PLCB1: variants seen among roughly 807,000 people sequenced by gnomAD.
PLCB1 encodes the protein phospholipase C beta 1.
PLCB1 carries 46 observed loss-of-function variants against 161.8 expected under a neutral mutation model. The ratio of observed to expected loss-of-function variants is 0.28; its 90% CI spans 0.22 to 0.36. The LOEUF is 0.36. Ranked by LOEUF, PLCB1 falls within the 10% of genes least tolerant of loss-of-function variation. PLCB1 has a pLI of 1.00. For missense variants in PLCB1, 1,016 were observed against 1,472.5 expected, an observed-to-expected ratio of 0.69 and a Z score of 5.07; for synonymous variants, 517 against 503.7, an observed-to-expected ratio of 1.03 and a Z score of -0.35.
At chr20:8,545,823 T>G (rs904764425) in intron 3 of PLCB1, among the ~76,000 whole-genome samples, 2 of 152,264 alleles carry the variant, frequency 1.3e-5, no homozygotes, top group Middle Eastern at 3.4e-3. Context: ...ACGGCACACA[T>G]TTACCATATG....
intron 3 of PLCB1, among the ~76,000 whole-genome samples, chr20:8,586,366 T>TG (rs555878562): frequency 4.0e-5 from 6 of 151,868 alleles, no homozygotes; most frequent in Admixed American, 6.6e-5. Flanking sequence ...GTTTTTTTTT[T>TG]TGCCTAAAAA....
rs550957616 is a variant in PLCB1, at chr20:8,494,979, C to T, written c.246+123529C>T. Among the ~76,000 whole-genome samples the T allele has an allele frequency of 5.9e-4, 90 of 152,146 alleles. 3 individuals carry two copies. In the South Asian group the frequency reaches 0.017, roughly 30 times the overall value. Reference sequence around the variant, plus strand: ...TGAATATATGTTCTTTTCCCCTTTTCCCCTTTTCTTTCTTCTTTGCTGTCC... The same window carrying T: ...TGAATATATGTTCTTTTCCCCTTTTTCCCTTTTCTTTCTTCTTTGCTGTCC... On this transcript the variant is annotated intron_variant, in intron 3 of 31. Transcript: ENST00000338037.
chr20:8,758,038 T>C (rs1034904933), intron 24 of PLCB1, among the ~76,000 whole-genome samples: 1 of 151,722 alleles, frequency 6.6e-6, no homozygotes, highest in East Asian at 1.9e-4. Context: ...GCCTCCTCTG[T>C]ACATCACACA....
At chr20:8,279,829 C>T (rs1000180998) in intron 2 of PLCB1, among the ~76,000 whole-genome samples, 6 of 152,012 alleles carry the variant, frequency 3.9e-5, no homozygotes, top group Non-Finnish European at 8.8e-5. Flanking sequence ...TATGATGTAT[C>T]GGGATGCAAC....
chr20:8,269,238 C>A (rs899556119), intron 2 of PLCB1, among the ~76,000 whole-genome samples: 1 of 152,068 alleles, frequency 6.6e-6, no homozygotes. Flanking sequence ...TACCCCATCC[C>A]CCCAACCCCT....
At chr20:8,563,032 A>G (rs1986192685) in intron 3 of PLCB1, among the ~76,000 whole-genome samples, 1 of 152,036 alleles carries the variant, frequency 6.6e-6, no homozygotes, top group Admixed American at 6.6e-5. Context: ...TATAGTGTGT[A>G]AACCTATGAG....
chr20:8,377,887 A>C (rs774961923), intron 3 of PLCB1, among the ~76,000 whole-genome samples: 29 of 152,138 alleles, frequency 1.9e-4, no homozygotes, highest in Non-Finnish European at 4.0e-4. Context: ...TTCAGGGAAG[A>C]TGTTGGCCCT....
At chr20:8,834,810 GAAAAA>G (rs10568816) in intron 31 of PLCB1, among the ~76,000 whole-genome samples, 2,335 of 85,300 alleles carry the variant, frequency 0.027, 40 homozygotes, top group African/African-American at 0.1. Context: ...CTCTGCCTCA[GAAAAA>G]AAAAAAAAAA....
chr20:8,389,923 C>A (rs1428381824), intron 3 of PLCB1, among the ~76,000 whole-genome samples: 1 of 152,068 alleles, frequency 6.6e-6, no homozygotes, highest in Non-Finnish European at 1.5e-5. Context: ...CAAAACCATT[C>A]GTCTAAGTAA....
At chr20:8,788,332 T>G (rs950756581) in intron 27 of PLCB1, 117 bp from the exon 28 acceptor site, 47 of 890,652 alleles carry the variant, frequency 5.3e-5, no homozygotes, top group Admixed American at 1.3e-4. Context: ...CAACTTTAAC[T>G]ATTGTGAAAC....
intron 31 of PLCB1, among the ~76,000 whole-genome samples, chr20:8,880,485 G>GT (rs1330618487): frequency 1.3e-5 from 2 of 152,154 alleles, no homozygotes; most frequent in African/African-American, 4.8e-5. Flanking sequence ...AGCTAAAATA[G>GT]TTTACAAGGC....
chr20:8,827,590 A>C (rs1036834530), intron 31 of PLCB1, among the ~76,000 whole-genome samples: 1 of 152,248 alleles, frequency 6.6e-6, no homozygotes, highest in Non-Finnish European at 1.5e-5. Context: ...AGCACATTTC[A>C]TGTGCTCAGT....
chr20:8,778,396 G>A (rs571210576), intron 27 of PLCB1, among the ~76,000 whole-genome samples: 2 of 152,288 alleles, frequency 1.3e-5, no homozygotes, highest in East Asian at 3.9e-4. Context: ...TGATGAGGGT[G>A]TGGAAAGCAG....
At chr20:8,285,559 A>T (rs1001560112) in intron 2 of PLCB1, among the ~76,000 whole-genome samples, 3 of 152,108 alleles carry the variant, frequency 2.0e-5, no homozygotes, top group African/African-American at 7.2e-5. Context: ...TGATCCAGAC[A>T]CTTGAAGGAC....
intron 3 of PLCB1, among the ~76,000 whole-genome samples, chr20:8,496,089 A>T (rs6077370): frequency 6.6e-6 from 1 of 151,988 alleles, no homozygotes; most frequent in Non-Finnish European, 1.5e-5. Flanking sequence ...CATTCCCAGC[A>T]TATAATATGT....
intron 31 of PLCB1, among the ~76,000 whole-genome samples, chr20:8,842,647 G>T (rs898390901): frequency 6.6e-6 from 1 of 152,114 alleles, no homozygotes; most frequent in Non-Finnish European, 1.5e-5. Flanking sequence ...AGCAATTCCT[G>T]TCCCTTTTAA....
At position 8,877,003 on chromosome 20, in the gene PLCB1, A is replaced by G. The variant is rs558668099; in HGVS notation, c.3424-4619A>G. Among the ~76,000 whole-genome samples, 3 of 152,242 alleles carry G rather than the reference A, an allele frequency of 2.0e-5. No homozygotes were observed. In the South Asian group the frequency reaches 6.2e-4, roughly 32 times the overall value. On this transcript the variant is annotated intron_variant, in intron 31 of 31. Coordinates refer to ENST00000338037, the MANE Select transcript of PLCB1 (RefSeq NM_015192.4). ...ACACTCCGTTCTTTGCTGGGATGGG[A>G]TGAGCTGCAAAGTCACACCACAAAG... is the stretch of plus-strand genomic sequence containing the variant.
chr20:8,758,932 A>G (rs1237986737), intron 24 of PLCB1, among the ~76,000 whole-genome samples: 1 of 152,228 alleles, frequency 6.6e-6, no homozygotes, highest in Non-Finnish European at 1.5e-5. Flanking sequence ...GGAAAGTAAC[A>G]TTGGCATGAT....
At chr20:8,792,388 A>G (rs531248682) in intron 31 of PLCB1, among the ~76,000 whole-genome samples, 41 of 152,328 alleles carry the variant, frequency 2.7e-4, no homozygotes, top group African/African-American at 9.9e-4. Context: ...GTCATCAGGT[A>G]CCTGAACAAA....
Sources: gnomAD v4.1 joint callset for allele counts (sites outside exome capture counted in the v4.1 genomes callset) on GRCh38, gnomAD v4.1.1 for gene constraint, MANE v1.5 for transcripts, NCBI Gene and HGNC (gene_info 2026-07-23, HGNC 2026-07-21) for gene names.